POSTN: variants seen among roughly 807,000 people sequenced by gnomAD.
POSTN encodes the protein osteoblast specific factor 2 (fasciclin I-like).
Under a neutral mutation model 104.5 loss-of-function variants are expected in POSTN, and 71 were observed. That is an observed-to-expected ratio of 0.68 (90% CI 0.56 to 0.83). The LOEUF (loss-of-function observed/expected upper bound fraction) is 0.83, where lower values mean the gene tolerates loss of function less well. POSTN is among the 40% of genes least tolerant of loss of function. The pLI, the probability that POSTN is intolerant of heterozygous loss-of-function variation, is 0.00. For synonymous variants in POSTN, 355 were observed against 340.7 expected, an observed-to-expected ratio of 1.04 and a Z score of -0.46; for missense variants, 949 against 1,006.8, an observed-to-expected ratio of 0.94 and a Z score of 0.78.
At chr13:37,567,894 T>A (rs1950163153) in intron 21 of POSTN, among the ~76,000 whole-genome samples, 1 of 152,088 alleles carries the variant, frequency 6.6e-6, no homozygotes, top group African/African-American at 2.4e-5. Flanking sequence ...TATACTTACC[T>A]GAAATTTAAT....
chr13:37,574,631 A>G lies in POSTN; in HGVS notation c.2030T>C (p.Val677Ala). ...TVYTTKIITK[V>A]VEPKIKVIEG... ...AATCACTTTAATTTTTGGTTCCACA[A>G]CTTTGGTTATAATTTTAGTTGCTGA... The change falls in exon 17 of 23, where the codon GTT (valine) becomes GCT (alanine). Residue 677 changes from valine to alanine, a missense_variant. Transcript: ENST00000379747. 1 of 1,599,622 alleles carries G rather than the reference A, an allele frequency of 6.3e-7. No homozygotes were observed. The highest frequency in any genetic ancestry group is 8.5e-7 in the Non-Finnish European group (1 of 1,175,228).
chr13:37,584,724 GGAATT>G lies in POSTN; in HGVS notation c.1095_1099del (p.Ile366Ter), dbSNP rs1306378469. 6.2e-7 allele frequency: 1 copy of G among 1,611,922 alleles called. No individual in the cohort carries two copies. Among genetic ancestry groups the G allele is most frequent in the South Asian group, 1.1e-5 (1 of 90,416 alleles). ...CAAAAAAAGTTGCTTACCAGAATCA[GGAATT>G]AGGACCTGATCAATCAAATGGATCA... On this transcript the variant is annotated frameshift_variant, in exon 8 of 23. Transcript: ENST00000379747. LOFTEE classifies it high-confidence loss of function.
Position 37,579,322 on chromosome 13 carries a change from G to A in POSTN, c.1698C>T (p.His566=). 1.9e-6 allele frequency: 3 copies of A among 1,594,612 alleles called. No individual in the cohort carries two copies. The highest frequency in any genetic ancestry group is 2.2e-5 in the East Asian group (1 of 44,632). Residue 566 remains histidine, a synonymous_variant, in exon 13 of 23, where the codon CAC becomes CAT. Coordinates refer to ENST00000379747, the MANE Select transcript of POSTN (RefSeq NM_006475.3). ...TTCCAATGAAAACTCCTGGTGTCAGGTGATAAAGAATGATGTTTTGAAGAG... is the reference window on the plus strand; with the variant it reads ...TTCCAATGAAAACTCCTGGTGTCAGATGATAAAGAATGATGTTTTGAAGAG... ...KNALQNIILY[H]LTPGVFIGKG... is the part of the protein sequence containing the mutation.
rs747185951 is a variant in POSTN at position 37,590,489 on chromosome 13, C to A, written c.324G>T (p.Val108=). 4 of 1,612,962 alleles carry A rather than the reference C, an allele frequency of 2.5e-6. No individual in the cohort carries two copies. The Admixed American group carries it at 6.7e-5, about 27-fold the overall frequency. ...AATAGCGCTGCGTTGTGGTGGCTCC[C>A]ACGATGCCCAGAGTGCCATAAACAT... is the stretch of plus-strand genomic sequence containing the variant. ...IDHVYGTLGI[V]GATTTQRYSD... Residue 108 remains valine, a synonymous_variant, in exon 4 of 23, where the codon GTG becomes GTT. Coordinates refer to ENST00000379747, the MANE Select transcript of POSTN (RefSeq NM_006475.3).
intron 4 of POSTN, among the ~76,000 whole-genome samples, chr13:37,589,387 G>A (rs1008491662): frequency 1.3e-5 from 2 of 151,998 alleles, no homozygotes; most frequent in African/African-American, 4.8e-5. Flanking sequence ...TAGGGTACAT[G>A]TGCACAACGT....
chr13:37,572,543 A>G (rs1950291601), intron 17 of POSTN, among the ~76,000 whole-genome samples: 1 of 151,590 alleles, frequency 6.6e-6, no homozygotes, highest in African/African-American at 2.4e-5. Flanking sequence ...CTAAATCAAT[A>G]TTTCTTTAGA....
In POSTN at chr13:37,571,446, G is replaced by A. The variant is rs774762208; in HGVS notation, c.2102C>T (p.Thr701Ile). 1.2e-6 allele frequency: 2 copies of A among 1,602,426 alleles called. No homozygotes were observed. The highest frequency in any genetic ancestry group is 1.7e-6 in the Non-Finnish European group (2 of 1,170,088). Residue 701 changes from threonine to isoleucine, a missense_variant, in exon 18 of 23, where the codon ACA (threonine) becomes ATA (isoleucine). Transcript: ENST00000379747. ...AGGTTCACCTTCAATTTTGACTTTT[G>A]TTAGTGTGGGTCCTGGGACATTATT... is the stretch of plus-strand genomic sequence containing the variant. ...PIIKTEGPTL[T>I]KVKIEGEPEF...
At chr13:37,582,224 A>G (rs1950612055) in intron 10 of POSTN, 142 bp downstream of exon 10, 6 of 899,224 alleles carry the variant, frequency 6.7e-6, no homozygotes, top group Non-Finnish European at 9.5e-6. Flanking sequence ...CAGTCTTTTC[A>G]CCCAAGCTAC....
rs1370516835 is a variant in POSTN, at chr13:37,577,627, G to A, written c.2008+126C>T. 3 of 1,382,384 alleles carry A rather than the reference G, an allele frequency of 2.2e-6. No homozygotes were observed. The African/African-American group carries it at 4.4e-5, about 20-fold the overall frequency. The allele number at this position is 1,382,384 out of a possible 1,614,324, so 85.6% of individuals were successfully genotyped here. ...CCTCAATCCTTTTTTCAAGTGAAAT[G>A]AGATTGGCCATAGTTTGGAATTCTA... On this transcript the variant is annotated intron_variant, in intron 16 of 22. Transcript: ENST00000379747.
rs763586702 is a variant in POSTN at position 37,590,510 on chromosome 13, A to G, written c.303T>C (p.Val101=). The G allele has an allele frequency of 2.5e-6, 4 of 1,612,236 alleles. No individual in the cohort carries two copies. In the East Asian group the frequency reaches 8.9e-5, roughly 36 times the overall value. ...GCPAVLPIDH[V]YGTLGIVGAT... ...CTCCCACGATGCCCAGAGTGCCATA[A>G]ACATGGTCAATGGGCAAAACTGAAA... Residue 101 remains valine (V), a synonymous_variant, in exon 4 of 23, where the codon GTT becomes GTC. Transcript: ENST00000379747.
intron 9 of POSTN, 140 bp from the exon 10 acceptor site, chr13:37,582,654 C>T (rs758005830): frequency 3.9e-5 from 28 of 711,172 alleles, no homozygotes; most frequent in Non-Finnish European, 5.3e-5. Context: ...ATACATGAAT[C>T]AACCAAATGC....
Position 37,596,061 on chromosome 13 carries a change from C to T in POSTN, c.218+1123G>A, listed in dbSNP as rs576052112. 1.8e-4 allele frequency among the ~76,000 whole-genome samples: 27 copies of T among 152,160 alleles called. No individual in the cohort carries two copies. In the East Asian group the frequency reaches 3.9e-3, roughly 22 times the overall value. ...AAGTGATCCACCTGTCTCAGCCCCC[C>T]CAAAGTGCTGGGATTACAGGTGTGA... On this transcript the variant is annotated intron_variant, in intron 2 of 22. Transcript: ENST00000379747.
chr13:37,592,400 G>A (rs551689072), intron 2 of POSTN, among the ~76,000 whole-genome samples: 86 of 152,188 alleles, frequency 5.7e-4, no homozygotes, highest in African/African-American at 2.0e-3. Context: ...TCGGGTTCAC[G>A]CCATTCTCCT....
rs1470882048 is a variant in POSTN, at chr13:37,571,371, C to T, written c.2177G>A (p.Gly726Glu). ...CCCAGGTAACATAAGGAACGCACCT[C>T]CATGGATCACTTCAGTTATTGTTTC... The part of the protein sequence containing the change: ...EGETITEVIH[G>E]EPIIKKYTKI... Residue 726 changes from glycine to glutamate, a missense_variant and splice_region_variant, in exon 18 of 23, where the codon GGA (glycine) becomes GAA (glutamate). Physicochemically the swap from Gly to Glu is moderately conservative, Grantham distance 98. Coordinates refer to ENST00000379747, the MANE Select transcript of POSTN (RefSeq NM_006475.3). The T allele has an allele frequency of 6.3e-7, 1 of 1,596,550 alleles. No individual in the cohort carries two copies. Among genetic ancestry groups the T allele is most frequent in the African/African-American group, 1.3e-5 (1 of 74,258 alleles).
intron 16 of POSTN, 32 bp from the exon 17 acceptor site, chr13:37,574,684 AT>A: frequency 6.5e-7 from 1 of 1,549,302 alleles, no homozygotes. Flanking sequence ...CATGAAAAAT[AT>A]TTACATAAAA....
At chr13:37,590,166 TA>T (rs1246817937) in intron 4 of POSTN, among the ~76,000 whole-genome samples, 11 of 152,222 alleles carry the variant, frequency 7.2e-5, no homozygotes, top group African/African-American at 2.6e-4. Context: ...TTAAAAAAAT[TA>T]AAGTATAAGT....
intron 10 of POSTN, among the ~76,000 whole-genome samples, chr13:37,581,743 T>C (rs1002843526): frequency 1.3e-5 from 2 of 152,000 alleles, no homozygotes; most frequent in African/African-American, 4.8e-5. Context: ...AAAAGTACAT[T>C]AAAACCCTTT....
chr13:37,595,290 A>G (rs2138405341), intron 2 of POSTN, among the ~76,000 whole-genome samples: 1 of 152,348 alleles, frequency 6.6e-6, no homozygotes. Context: ...AGGAAAACTC[A>G]GAGCCTTAGA....
chr13:37,588,631 C>A (rs973273883), intron 4 of POSTN, among the ~76,000 whole-genome samples: 15 of 152,078 alleles, frequency 9.9e-5, no homozygotes, highest in African/African-American at 3.6e-4. Context: ...TGGAGATAGA[C>A]CATGAGATTT....
Sources: allele counts gnomAD v4.1 joint callset (sites outside exome capture counted in the v4.1 genomes callset), GRCh38; gene constraint gnomAD v4.1.1; transcripts MANE v1.5; gene names NCBI Gene and HGNC (gene_info 2026-07-23, HGNC 2026-07-21).